The following VASH1 variants were observed in gnomAD, a reference collection of about 807,000 sequenced individuals.
VASH1 encodes the protein tubulinyl-Tyr carboxypeptidase 1.
A neutral mutation model predicts 35.0 loss-of-function variants in VASH1; 16 were observed. The ratio of observed to expected loss-of-function variants is 0.46; its 90% CI spans 0.31 to 0.70. The LOEUF (loss-of-function observed/expected upper bound fraction) is 0.70. VASH1 is among the 30% of genes least tolerant of loss of function. The pLI, the probability that VASH1 is intolerant of heterozygous loss-of-function variation, is 0.05. For synonymous variants in VASH1, 214 were observed against 200.9 expected, an observed-to-expected ratio of 1.07 and a Z score of -0.55; for missense variants, 505 against 510.7, an observed-to-expected ratio of 0.99 and a Z score of 0.11.
intron 3 of VASH1, among the ~76,000 whole-genome samples, chr14:76,772,271 T>G (rs1012776146): frequency 6.6e-6 from 1 of 152,042 alleles, no homozygotes; most frequent in Non-Finnish European, 1.5e-5. Context: ...GAAAAAAAAT[T>G]TCATATGAAG....
intron 1 of VASH1, among the ~76,000 whole-genome samples, chr14:76,769,728 T>A (rs1208633851): frequency 6.6e-6 from 1 of 152,222 alleles, no homozygotes; most frequent in Non-Finnish European, 1.5e-5. Context: ...AACATCAGCA[T>A]ACACTCTGAA....
chr14:76,764,688 T>TA (rs1491141308), intron 1 of VASH1, among the ~76,000 whole-genome samples: 1 of 44,634 alleles, frequency 2.2e-5, no homozygotes, highest in Non-Finnish European at 4.5e-5. Context: ...ATCAGTTACC[T>TA]TTTTTTTTTT....
Position 76,776,117 on chromosome 14 carries a change from C to T in VASH1, c.756C>T (p.His252=), listed in dbSNP as rs917350279. Residue 252 remains histidine, a synonymous_variant, in exon 5 of 7, where the codon CAC becomes CAT. Transcript: ENST00000167106. The part of the protein sequence containing the change: ...DFEAAYGRCW[H]VLKKVKLGQS... ...AGGCCGCCTACGGCCGCTGCTGGCA[C>T]GTGCTCAAGAAGGTGAAGCTGGGCC... 6.2e-7 allele frequency: 1 copy of T among 1,609,472 alleles called. No individual in the cohort carries two copies. Among genetic ancestry groups the T allele is most frequent in the African/African-American group, 1.3e-5 (1 of 75,058 alleles).
At position 76,766,438 on chromosome 14, in the gene VASH1, G is replaced by A. The variant is rs139746684; in HGVS notation, c.309+3308G>A. ...TAGCTACTTATTATGACTCCAGAGT[G>A]CTTTCCTTTGATTTATTTATGAGAC... On this transcript the variant is annotated intron_variant, in intron 1 of 6. Transcript: ENST00000167106. Among the ~76,000 whole-genome samples the A allele has an allele frequency of 3.7e-3, 565 of 152,248 alleles. 3 individuals carry two copies. Among genetic ancestry groups the A allele is most frequent in the African/African-American group, 0.013 (542 of 41,550 alleles).
Position 76,779,365 on chromosome 14 carries a change from T to C in VASH1, c.*347T>C, listed in dbSNP as rs889912791. On this transcript the variant is annotated 3_prime_UTR_variant, in exon 7 of 7. Coordinates refer to ENST00000167106, the MANE Select transcript of VASH1 (RefSeq NM_014909.5). ...GCCAGGTGAGGGAAACTGCTGGTTC[T>C]GCTGGTGCCTCTGCCCCTGGCTTCT... The C allele has an allele frequency of 1.4e-6, 1 of 702,064 alleles. No homozygotes were observed. Among genetic ancestry groups the C allele is most frequent in the Non-Finnish European group, 2.6e-6 (1 of 384,730 alleles). 43.5% of individuals were successfully genotyped at this position (702,064 alleles called of 1,614,324 possible). A position where few individuals can be genotyped will look rare whatever the true frequency, so the allele number is the denominator to read the frequency against.
At chr14:76,766,775 G>A (rs1893653529) in intron 1 of VASH1, among the ~76,000 whole-genome samples, 1 of 152,078 alleles carries the variant, frequency 6.6e-6, no homozygotes, top group South Asian at 2.1e-4. Flanking sequence ...ACGTTGCTGG[G>A]ATTAGCATGT....
chr14:76,766,799 A>T (rs963844825), intron 1 of VASH1, among the ~76,000 whole-genome samples: 1 of 152,224 alleles, frequency 6.6e-6, no homozygotes. Context: ...AGGCACACTG[A>T]TAATGATGAC....
At chr14:76,777,677 T>C (rs1293185817) in intron 5 of VASH1, among the ~76,000 whole-genome samples, 1 of 152,176 alleles carries the variant, frequency 6.6e-6, no homozygotes, top group Non-Finnish European at 1.5e-5. Flanking sequence ...CTGGCCTTTG[T>C]TGGGGACTTT....
chr14:76,763,110 G>A lies in VASH1; in HGVS notation c.289G>A (p.Gly97Arg), dbSNP rs1013420374. 2.3e-5 allele frequency: 34 copies of A among 1,490,578 alleles called. No individual in the cohort carries two copies. Among genetic ancestry groups the A allele is most frequent in the Non-Finnish European group, 2.0e-5 (22 of 1,113,868 alleles). 92.3% of individuals were successfully genotyped at this position (1,490,578 alleles called of 1,614,324 possible). A position where few individuals can be genotyped will look rare whatever the true frequency, so the allele number is the denominator to read the frequency against. ...DGEKVAQRIR[G>R]ATDLPKIPIP... is the part of the protein sequence containing the mutation. ...AGAGAAGGTGGCGCAACGGATCCGT[G>A]GGGCCACAGACCTGCCCAAGGTGAG... is the stretch of plus-strand genomic sequence containing the variant. Residue 97 changes from glycine to arginine, a missense_variant, in exon 1 of 7, where the codon GGG becomes AGG. By Grantham distance (125) the Gly-to-Arg change is moderately radical (BLOSUM62 -2). Coordinates refer to ENST00000167106, the MANE Select transcript of VASH1 (RefSeq NM_014909.5).
chr14:76,773,236 G>A, intron 4 of VASH1, 25 bp downstream of exon 4: 1 of 1,612,908 alleles, frequency 6.2e-7, no homozygotes. Flanking sequence ...CTGAAGGGGA[G>A]GGGTCCGGGC....
intron 1 of VASH1, 26 bp from the exon 2 acceptor site, chr14:76,769,937 G>C: frequency 6.2e-7 from 1 of 1,610,736 alleles, no homozygotes; most frequent in Non-Finnish European, 8.5e-7. Flanking sequence ...CTCTTCTTGT[G>C]ACCGGAGCTC....
rs764360436 is a variant in VASH1 at position 76,778,088 on chromosome 14, G to A, written c.1025+17G>A. 45 of 1,438,100 alleles carry A rather than the reference G, an allele frequency of 3.1e-5. No homozygotes were observed. The Admixed American group carries it at 7.9e-4, about 25-fold the overall frequency. The allele number at this position is 1,438,100 out of a possible 1,614,324, so 89.1% of individuals were successfully genotyped here. A position where few individuals can be genotyped will look rare whatever the true frequency, so the allele number is the denominator to read the frequency against. On this transcript the variant is annotated intron_variant, in intron 6 of 6. Coordinates refer to ENST00000167106, the MANE Select transcript of VASH1 (RefSeq NM_014909.5). The stretch of plus-strand genomic sequence containing the variant: ...TGAAAGACGGTGAGAGAGGGACCAC[G>A]CCTGGGTGGGTCCAAAGAGGGTTTT...
Position 76,776,189 on chromosome 14 carries a change from G to A in VASH1, c.828G>A (p.Lys276=). The A allele has an allele frequency of 6.2e-7, 1 of 1,610,702 alleles. No homozygotes were observed. Among genetic ancestry groups the A allele is most frequent in the South Asian group, 1.1e-5 (1 of 91,012 alleles). ...DPHSVEQIEW[K]HSVLDVERLG... Reference sequence around the variant, plus strand: ...ACAGCGTGGAGCAGATCGAGTGGAAGCACTCGGTGCTGGACGTGGAGCGCC... The same window carrying A: ...ACAGCGTGGAGCAGATCGAGTGGAAACACTCGGTGCTGGACGTGGAGCGCC... The change falls in exon 5 of 7, where the codon AAG becomes AAA. Residue 276 remains lysine (K), a synonymous_variant. Coordinates refer to ENST00000167106, the MANE Select transcript of VASH1 (RefSeq NM_014909.5).
rs966844775 is a variant in VASH1 at position 76,771,172 on chromosome 14, C to G, written c.399-18C>G. On this transcript the variant is annotated intron_variant, in intron 2 of 6. Transcript: ENST00000167106. ...CTCCTTCAGGCCAAGCTAGGAAGCC[C>G]TTAACCCGTGCCCACAGGTACAATC... 6.3e-7 allele frequency: 1 copy of G among 1,580,042 alleles called. No homozygotes were observed. The highest frequency in any genetic ancestry group is 8.6e-7 in the Non-Finnish European group (1 of 1,163,770).
intron 1 of VASH1, among the ~76,000 whole-genome samples, chr14:76,767,423 A>G (rs1893673712): frequency 6.6e-6 from 1 of 151,900 alleles, no homozygotes; most frequent in Non-Finnish European, 1.5e-5. Flanking sequence ...CCCAGGCCTC[A>G]TTGTGTTCGA....
Position 76,763,141 on chromosome 14 carries a change from C to T in VASH1, c.309+11C>T, listed in dbSNP as rs1334482121. 7 of 1,457,184 alleles carry T rather than the reference C, an allele frequency of 4.8e-6. No individual in the cohort carries two copies. Among genetic ancestry groups the T allele is most frequent in the Non-Finnish European group, 6.4e-6 (7 of 1,098,272 alleles). 90.3% of individuals were successfully genotyped at this position (1,457,184 alleles called of 1,614,324 possible). A position where few individuals can be genotyped will look rare whatever the true frequency, so the allele number is the denominator to read the frequency against. On this transcript the variant is annotated intron_variant, in intron 1 of 6. Coordinates refer to ENST00000167106, the MANE Select transcript of VASH1 (RefSeq NM_014909.5). Reference sequence around the variant, plus strand: ...ACAGACCTGCCCAAGGTGAGACACACGGGTCAGGGGGGTGATAGCACAGTC... The same window carrying T: ...ACAGACCTGCCCAAGGTGAGACACATGGGTCAGGGGGGTGATAGCACAGTC...
rs556493049 is a variant in VASH1 at position 76,774,909 on chromosome 14, C to G, written c.531-983C>G. Reference sequence around the variant, plus strand: ...CTTAACATCTCTGAGCCTGGGAGTCCTCCTCTGCAAAGGGGGATAGTGGCA... The same window carrying G: ...CTTAACATCTCTGAGCCTGGGAGTCGTCCTCTGCAAAGGGGGATAGTGGCA... On this transcript the variant is annotated intron_variant, in intron 4 of 6. Coordinates refer to ENST00000167106, the MANE Select transcript of VASH1 (RefSeq NM_014909.5). The G allele has an allele frequency of 2.5e-4, 38 of 152,404 alleles. 1 individual carries two copies. The highest frequency in any genetic ancestry group is 7.9e-4 in the African/African-American group (33 of 41,560). The allele number at this position is 152,404 out of a possible 1,614,324, so 9.4% of individuals were successfully genotyped here. A position where few individuals can be genotyped will look rare whatever the true frequency, so the allele number is the denominator to read the frequency against.
intron 1 of VASH1, among the ~76,000 whole-genome samples, chr14:76,767,582 C>T (rs1893678135): frequency 6.6e-6 from 1 of 152,194 alleles, no homozygotes; most frequent in South Asian, 2.1e-4. Flanking sequence ...CCGTGCCCCA[C>T]TTAAACCCAC....
intron 1 of VASH1, among the ~76,000 whole-genome samples, chr14:76,766,236 C>CA (rs1213389344): frequency 6.6e-6 from 1 of 152,144 alleles, no homozygotes; most frequent in South Asian, 2.1e-4. Context: ...AGAAAGATCC[C>CA]AAATCCAGCA....
Sources: allele counts gnomAD v4.1 joint callset (sites outside exome capture counted in the v4.1 genomes callset), GRCh38; gene constraint gnomAD v4.1.1; transcripts MANE v1.5; gene names NCBI Gene and HGNC (gene_info 2026-07-23, HGNC 2026-07-21).